ZCWPW1: variants seen among roughly 807,000 people sequenced by gnomAD.
The protein encoded by ZCWPW1 is zinc finger CW-type PWWP domain protein 1.
A neutral mutation model predicts 81.3 loss-of-function variants in ZCWPW1; 56 were observed. That is an observed-to-expected ratio of 0.69 (90% confidence interval 0.56 to 0.86). The LOEUF is 0.86. Among genes scored for constraint, ZCWPW1 ranks in the 40% least tolerant of loss-of-function variants. ZCWPW1 has a pLI of 0.00. For missense variants in ZCWPW1, 650 were observed against 769.8 expected (o/e 0.84, Z 1.84); for synonymous variants, 250 against 273.7 (o/e 0.91, Z 0.86).
At chr7:100,421,382 C>T (rs919100703) in intron 2 of ZCWPW1, among the ~76,000 whole-genome samples, 5 of 152,196 alleles carry the variant, frequency 3.3e-5, no homozygotes, top group African/African-American at 9.7e-5. Flanking sequence ...ACACTTAGAA[C>T]ACACATATAA....
intron 3 of ZCWPW1, 63 bp from the exon 4 acceptor site, chr7:100,419,946 T>C (rs573805975): frequency 5.8e-4 from 784 of 1,356,174 alleles, no homozygotes; most frequent in Non-Finnish European, 5.6e-4. Context: ...TTGCCAAACA[T>C]TACCCTTTGA....
intron 6 of ZCWPW1, 121 bp downstream of exon 6, chr7:100,416,945 C>CAA (rs377744181): frequency 3.5e-3 from 2,033 of 584,052 alleles, no homozygotes; most frequent in Admixed American, 4.2e-3. Context: ...GACTCCGTCT[C>CAA]AAAAAAAAAA....
intron 15 of ZCWPW1, 138 bp from the exon 16 acceptor site, chr7:100,402,714 T>G (rs984302012): frequency 9.2e-6 from 8 of 873,502 alleles, no homozygotes; most frequent in Admixed American, 7.7e-5. Context: ...TGTTTAAATT[T>G]CTGGCAACAC....
At chr7:100,405,538 T>C (rs141593436) in intron 12 of ZCWPW1, among the ~76,000 whole-genome samples, 147 of 152,330 alleles carry the variant, frequency 9.7e-4, no homozygotes, top group African/African-American at 3.4e-3. Context: ...TTATTTCCAG[T>C]TCCTAGTATT....
chr7:100,422,279 A>G (rs1030269932), intron 2 of ZCWPW1, among the ~76,000 whole-genome samples: 1 of 152,222 alleles, frequency 6.6e-6, no homozygotes, highest in Non-Finnish European at 1.5e-5. Context: ...TCAGTGCTTC[A>G]CCACCATTTT....
At position 100,413,134 on chromosome 7, in the gene ZCWPW1, C is replaced by T. The variant is rs955744359; in HGVS notation, c.754+2841G>A. ...TTCTTCTTTTCTCCCCATACTCCAT[C>T]TCCAATTAATCACCAAAGGATCCTT... On this transcript the variant is annotated intron_variant, in intron 8 of 17. Transcript: ENST00000684423. Among the ~76,000 whole-genome samples, 11 of 152,302 alleles carry T rather than the reference C, an allele frequency of 7.2e-5. No homozygotes were observed. In the South Asian group the frequency reaches 1.9e-3, roughly 26 times the overall value.
chr7:100,416,543 C>T (rs1795253711), intron 6 of ZCWPW1, 87 bp from the exon 7 acceptor site: 5 of 1,428,642 alleles, frequency 3.5e-6, no homozygotes, highest in African/African-American at 1.4e-5. Context: ...AAAAGGAAGA[C>T]AGATGAATCC....
intron 8 of ZCWPW1, among the ~76,000 whole-genome samples, chr7:100,411,003 C>T (rs188911504): frequency 2.6e-5 from 4 of 152,290 alleles, no homozygotes; most frequent in Non-Finnish European, 4.4e-5. Context: ...CCCTCTCCAC[C>T]TTTTCTGAGC....
chr7:100,412,550 C>T, intron 8 of ZCWPW1, among the ~76,000 whole-genome samples: 1 of 152,058 alleles, frequency 6.6e-6, no homozygotes, highest in East Asian at 1.9e-4. Flanking sequence ...TTCTCTTTCT[C>T]TATTTTGATC....
chr7:100,419,517 C>T (rs1323550656), intron 4 of ZCWPW1, 113 bp downstream of exon 4: 2 of 1,494,870 alleles, frequency 1.3e-6, no homozygotes, highest in Admixed American at 5.0e-5. Flanking sequence ...GGAATACAAA[C>T]CTGAAACTCT....
At chr7:100,408,822 GGAAATGCAGCTGGAACCAGCT>G (rs144313883) in intron 9 of ZCWPW1, among the ~76,000 whole-genome samples, 163 bp from the exon 10 acceptor site, 7,699 of 149,230 alleles carry the variant, frequency 0.052, 469 homozygotes, top group African/African-American at 0.15. Context: ...GACCCATGGA[GGAAATGCAGCTGGAACCAGCT>G]GAAATGCAGC....
At chr7:100,420,749 T>C in intron 2 of ZCWPW1, 71 bp from the exon 3 acceptor site, 1 of 1,484,354 alleles carries the variant, frequency 6.7e-7, no homozygotes, top group South Asian at 1.2e-5. Context: ...TCTACTTGGG[T>C]TCAGAAACTC....
chr7:100,402,429 G>T, intron 16 of ZCWPW1, 87 bp downstream of exon 16: 1 of 1,423,798 alleles, frequency 7.0e-7, no homozygotes, highest in Non-Finnish European at 9.9e-7. Flanking sequence ...GAGATGGGCA[G>T]TGAGGTCCAG....
chr7:100,410,351 C>A (rs1196299250), intron 8 of ZCWPW1, among the ~76,000 whole-genome samples: 1 of 152,140 alleles, frequency 6.6e-6, no homozygotes, highest in Non-Finnish European at 1.5e-5. Context: ...CCCACCTAAA[C>A]CACCCCCACC....
At chr7:100,422,490 C>T (rs1020502956) in intron 2 of ZCWPW1, among the ~76,000 whole-genome samples, 2 of 152,244 alleles carry the variant, frequency 1.3e-5, no homozygotes, top group Admixed American at 1.3e-4. Flanking sequence ...TGCCAAGACT[C>T]ATCTGCGAAC....
rs748655555 is a variant in ZCWPW1 at position 100,419,102 on chromosome 7, A to G, written c.361+9T>C. ...ACTGAAACCCTTTTTCTCTTACTACATGCCATACCCAAGCACTCCTGAAGG... is the reference window on the plus strand; with the variant it reads ...ACTGAAACCCTTTTTCTCTTACTACGTGCCATACCCAAGCACTCCTGAAGG... On this transcript the variant is annotated intron_variant, in intron 5 of 17. Coordinates refer to ENST00000684423, the MANE Select transcript of ZCWPW1 (RefSeq NM_001386010.1). 2.7e-5 allele frequency: 44 copies of G among 1,611,950 alleles called. No homozygotes were observed. Among genetic ancestry groups the G allele is most frequent in the Non-Finnish European group, 3.6e-5 (43 of 1,178,784 alleles).
chr7:100,401,763 C>A, intron 17 of ZCWPW1, 126 bp downstream of exon 17: 1 of 1,297,838 alleles, frequency 7.7e-7, no homozygotes, highest in Non-Finnish European at 1.1e-6. Context: ...GACGCTCTTT[C>A]ATTCTAATTT....
intron 1 of ZCWPW1, among the ~76,000 whole-genome samples, chr7:100,427,425 C>T (rs952999814): frequency 6.6e-6 from 1 of 150,710 alleles, no homozygotes; most frequent in African/African-American, 2.4e-5. Flanking sequence ...ATCAGCCGAG[C>T]ACGGTGGCGC....
chr7:100,422,844 G>C (rs1187241845), intron 2 of ZCWPW1, among the ~76,000 whole-genome samples: 5 of 152,128 alleles, frequency 3.3e-5, no homozygotes, highest in Admixed American at 6.6e-5. Context: ...TTGGTTTTCT[G>C]TTCCTGCGTT....
Sources: gnomAD v4.1 joint callset for allele counts (sites outside exome capture counted in the v4.1 genomes callset) on GRCh38, gnomAD v4.1.1 for gene constraint, MANE v1.5 for transcripts, NCBI Gene and HGNC (gene_info 2026-07-23, HGNC 2026-07-21) for gene names.